CENPO: variants seen among roughly 807,000 people sequenced by gnomAD.
CENPO encodes centromere protein O, also known as centromeric protein O.
A neutral mutation model predicts 36.1 loss-of-function variants in CENPO; 30 were observed. The observed-to-expected ratio is 0.83, with a 90% confidence interval of 0.62 to 1.13. CENPO has a LOEUF of 1.13. CENPO is among the 50% of genes most tolerant of loss of function. CENPO has a pLI of 0.00. For missense variants in CENPO, 349 were observed against 357.8 expected (o/e 0.98, Z 0.20); for synonymous variants, 171 against 142.3 (o/e 1.20, Z -1.44).
At position 24,820,393 on chromosome 2, in the gene CENPO, G is replaced by T. The variant is rs1667424278; in HGVS notation, c.*1075G>T. On this transcript the variant is annotated 3_prime_UTR_variant, in exon 8 of 8. Coordinates refer to ENST00000380834, the MANE Select transcript of CENPO (RefSeq NM_001322101.2). ...GTGGCAGCACTGTTACCTGGAAACT[G>T]CCACTGCCTGCTCTTCTGTCCCTTT... The T allele has an allele frequency of 7.6e-7, 1 of 1,313,022 alleles. No homozygotes were observed. The highest frequency in any genetic ancestry group is 1.5e-5 in the African/African-American group (1 of 66,026). 81.3% of individuals were successfully genotyped at this position (1,313,022 alleles called of 1,614,324 possible).
At chr2:24,813,171 G>A (rs894375374) in intron 3 of CENPO, among the ~76,000 whole-genome samples, 2 of 152,116 alleles carry the variant, frequency 1.3e-5, no homozygotes, top group African/African-American at 2.4e-5. Context: ...GCTTGAACCC[G>A]GGAGGCGGAG....
chr2:24,797,679 G>A (rs942415389), intron 2 of CENPO, among the ~76,000 whole-genome samples: 1 of 152,166 alleles, frequency 6.6e-6, no homozygotes, highest in Non-Finnish European at 1.5e-5. Context: ...CAAAATAGAT[G>A]CTTAATAAAC....
chr2:24,817,622 G>C (rs757310762), intron 6 of CENPO, 48 bp from the exon 7 acceptor site: 3 of 1,612,004 alleles, frequency 1.9e-6, no homozygotes, highest in Non-Finnish European at 2.5e-6. Flanking sequence ...TCCAGGCTCC[G>C]ATTCCCCCAG....
rs894064177 is a variant in CENPO at position 24,817,823 on chromosome 2, C to T, written c.*17C>T. 1.9e-6 allele frequency: 3 copies of T among 1,613,790 alleles called. No individual in the cohort carries two copies. The African/African-American group carries it at 4.0e-5, about 22-fold the overall frequency. On this transcript the variant is annotated 3_prime_UTR_variant, in exon 7 of 8. Transcript: ENST00000380834. ...GTCTCCTAATAGATTGTTTTCACTG[C>T]ACTGGGAGCACATCAGAGGTAAGTA...
In CENPO at chr2:24,821,599, G is replaced by T; in HGVS notation, c.*2281G>T. On this transcript the variant is annotated 3_prime_UTR_variant, in exon 8 of 8. Transcript: ENST00000380834. ...TCATGGCCAGCGCGAAGTCGGCCAG[G>T]TCAGCCAGGTGCTGCCAGCGCTCTC... 1 of 1,614,180 alleles carries T rather than the reference G, an allele frequency of 6.2e-7. No individual in the cohort carries two copies. Among genetic ancestry groups the T allele is most frequent in the African/African-American group, 1.3e-5 (1 of 75,064 alleles).
chr2:24,805,852 A>T (rs1055597752), intron 3 of CENPO, among the ~76,000 whole-genome samples: 1 of 152,170 alleles, frequency 6.6e-6, no homozygotes, highest in African/African-American at 2.4e-5. Flanking sequence ...TCTTCAAACT[A>T]TCAGACAGGG....
chr2:24,793,591 C>T, intron 1 of CENPO, 90 bp downstream of exon 1: 7 of 1,461,030 alleles, frequency 4.8e-6, no homozygotes, highest in South Asian at 1.4e-5. Flanking sequence ...CTTAAAACTC[C>T]TTCCGTGGCC....
chr2:24,802,672 T>G (rs1412895562), intron 3 of CENPO, among the ~76,000 whole-genome samples: 1 of 152,252 alleles, frequency 6.6e-6, no homozygotes, highest in Non-Finnish European at 1.5e-5. Context: ...ATCCCAGGGA[T>G]GAAGCCCACT....
chr2:24,804,452 C>G (rs1162702236), intron 3 of CENPO, among the ~76,000 whole-genome samples: 2 of 152,140 alleles, frequency 1.3e-5, no homozygotes, highest in African/African-American at 4.8e-5. Flanking sequence ...CATGTTTTTG[C>G]AGTGGCTGGT....
intron 3 of CENPO, among the ~76,000 whole-genome samples, chr2:24,813,570 G>T (rs1572742009): frequency 6.6e-6 from 1 of 152,136 alleles, no homozygotes; most frequent in East Asian, 1.9e-4. Flanking sequence ...TCAGTCCCCA[G>T]TCACACCTGT....
chr2:24,822,063 A>G lies in CENPO; in HGVS notation c.*2745A>G, dbSNP rs1667814598. On this transcript the variant is annotated 3_prime_UTR_variant, in exon 8 of 8. Coordinates refer to ENST00000380834, the MANE Select transcript of CENPO (RefSeq NM_001322101.2). ...CGTGGGATGGTTGTAGAGGTAAAGCAGGATGATGGTGTTTTAAGACCAGAG... is the reference window on the plus strand; with the variant it reads ...CGTGGGATGGTTGTAGAGGTAAAGCGGGATGATGGTGTTTTAAGACCAGAG... 8 of 191,776 alleles carry G rather than the reference A, an allele frequency of 4.2e-5. No individual in the cohort carries two copies. The South Asian group carries it at 1.0e-3, about 24-fold the overall frequency. The allele number at this position is 191,776 out of a possible 1,614,324, so 11.9% of individuals were successfully genotyped here.
chr2:24,811,757 G>T (rs961397476), intron 3 of CENPO, among the ~76,000 whole-genome samples: 2 of 151,898 alleles, frequency 1.3e-5, no homozygotes, highest in African/African-American at 4.8e-5. Context: ...CACTGCGCCC[G>T]GCCAATTTTT....
intron 2 of CENPO, among the ~76,000 whole-genome samples, chr2:24,794,872 A>G (rs1665816996): frequency 1.3e-5 from 2 of 152,232 alleles, no homozygotes; most frequent in South Asian, 4.1e-4. Context: ...AGCTTGCCAT[A>G]AAACCTAACT....
rs1667396557 is a variant in CENPO, at chr2:24,820,297, C to A, written c.*979C>A. On this transcript the variant is annotated 3_prime_UTR_variant, in exon 8 of 8. Coordinates refer to ENST00000380834, the MANE Select transcript of CENPO (RefSeq NM_001322101.2). ...GGCGAGCAGCGGGTGGGAAGGAGAACCCTGGAGTGACTGGCTGGGGGCCTC... is the reference window on the plus strand; with the variant it reads ...GGCGAGCAGCGGGTGGGAAGGAGAAACCTGGAGTGACTGGCTGGGGGCCTC... 2 of 1,304,050 alleles carry A rather than the reference C, an allele frequency of 1.5e-6. No homozygotes were observed. Among genetic ancestry groups the A allele is most frequent in the South Asian group, 2.1e-5 (1 of 48,580 alleles). The allele number at this position is 1,304,050 out of a possible 1,614,324, so 80.8% of individuals were successfully genotyped here.
chr2:24,798,464 TC>T (rs1666013017), intron 2 of CENPO, among the ~76,000 whole-genome samples: 1 of 152,040 alleles, frequency 6.6e-6, no homozygotes, highest in Non-Finnish European at 1.5e-5. Flanking sequence ...CTATTTGATC[TC>T]ACACAAATTT....
chr2:24,802,067 G>A lies in CENPO; in HGVS notation c.216+2223G>A, dbSNP rs557792748. ...CATCCCTTGTAAGTTGGATTCCTGG[G>A]TATTTTATTCTCTTTGTAGCAATTG... On this transcript the variant is annotated intron_variant, in intron 3 of 7. Transcript: ENST00000380834. 3.1e-4 allele frequency among the ~76,000 whole-genome samples: 47 copies of A among 152,218 alleles called. 1 individual carries two copies. In the South Asian group the frequency reaches 8.3e-3, roughly 27 times the overall value.
At chr2:24,816,552 G>A (rs1666945250) in intron 5 of CENPO, 94 bp from the exon 6 acceptor site, 3 of 790,368 alleles carry the variant, frequency 3.8e-6, no homozygotes, top group African/African-American at 1.8e-5. Context: ...TAATCGATGG[G>A]CCTCTTTTTG....
At chr2:24,818,121 G>GTACT (rs1667045149) in intron 7 of CENPO, among the ~76,000 whole-genome samples, 1 of 149,404 alleles carries the variant, frequency 6.7e-6, no homozygotes, top group Admixed American at 6.7e-5. Flanking sequence ...CACTCAAGAA[G>GTACT]TACTTATGGA....
rs147163387 is a variant in CENPO, at chr2:24,794,788, C to T, written c.46+823C>T. Among the ~76,000 whole-genome samples, 26 of 152,286 alleles carry T rather than the reference C, an allele frequency of 1.7e-4. No homozygotes were observed. In the South Asian group the frequency reaches 3.9e-3, roughly 23 times the overall value. On this transcript the variant is annotated intron_variant, in intron 2 of 7. Transcript: ENST00000380834. ...GACTTTATGTTCTTTGCTACTAATACTTTTTAGAACTTTGAAATACTTACT... is the reference window on the plus strand; with the variant it reads ...GACTTTATGTTCTTTGCTACTAATATTTTTTAGAACTTTGAAATACTTACT...
Sources: allele counts gnomAD v4.1 joint callset (sites outside exome capture counted in the v4.1 genomes callset), GRCh38; gene constraint gnomAD v4.1.1; transcripts MANE v1.5; gene names NCBI Gene and HGNC (gene_info 2026-07-23, HGNC 2026-07-21).